The following AGBL4 variants were observed in gnomAD, a reference collection of about 807,000 sequenced individuals.
The protein encoded by AGBL4 is AGBL carboxypeptidase 4.
In AGBL4, 58 loss-of-function variants were observed where a neutral mutation model predicts 66.4. The observed-to-expected ratio is 0.87, with a 90% CI of 0.71 to 1.09. The LOEUF (loss-of-function observed/expected upper bound fraction) is 1.09. Ranked by LOEUF, AGBL4 falls within the 50% of genes least tolerant of loss-of-function variation. The pLI is 0.00. For synonymous variants in AGBL4, 234 were observed against 222.9 expected, an observed-to-expected ratio of 1.05 and a Z score of -0.44; for missense variants, 579 against 631.0, an observed-to-expected ratio of 0.92 and a Z score of 0.88.
At chr1:49,749,084 T>C (rs1249411923) in intron 2 of AGBL4, among the ~76,000 whole-genome samples, 1 of 152,238 alleles carries the variant, frequency 6.6e-6, no homozygotes, top group Non-Finnish European at 1.5e-5. Flanking sequence ...TCTTTGCCCA[T>C]GCCTATGTCC....
At chr1:48,570,916 G>A (rs888688120) in intron 11 of AGBL4, among the ~76,000 whole-genome samples, 4 of 152,144 alleles carry the variant, frequency 2.6e-5, no homozygotes, top group East Asian at 1.9e-4. Context: ...ATCTGGCTTC[G>A]TGTGCCTCTG....
At chr1:49,064,755 A>G (rs1397144844) in intron 4 of AGBL4, among the ~76,000 whole-genome samples, 1 of 152,222 alleles carries the variant, frequency 6.6e-6, no homozygotes, top group East Asian at 1.9e-4. Context: ...ATGTTGAGAA[A>G]GAAAAATTTG....
chr1:49,851,977 A>C (rs563503682), intron 1 of AGBL4, among the ~76,000 whole-genome samples: 1 of 152,300 alleles, frequency 6.6e-6, no homozygotes, highest in African/African-American at 2.4e-5. Context: ...TATAAATAGC[A>C]TTATGACTTC....
intron 1 of AGBL4, among the ~76,000 whole-genome samples, chr1:49,905,987 CT>C (rs1234145328): frequency 1.3e-5 from 2 of 151,742 alleles, no homozygotes. Flanking sequence ...ATCCTACCCC[CT>C]AGGATTTTAT....
chr1:49,760,413 GA>G (rs1484309160), intron 2 of AGBL4, among the ~76,000 whole-genome samples: 8 of 151,988 alleles, frequency 5.3e-5, no homozygotes, highest in African/African-American at 1.4e-4. Context: ...ACACATGTAT[GA>G]AAAAAAGCTC....
intron 9 of AGBL4, among the ~76,000 whole-genome samples, chr1:48,630,111 A>G (rs1645570136): frequency 6.6e-6 from 1 of 152,202 alleles, no homozygotes; most frequent in South Asian, 2.1e-4. Context: ...ACAGGCAGCT[A>G]TCATGAGAGT....
intron 1 of AGBL4, among the ~76,000 whole-genome samples, chr1:49,956,428 G>A (rs1385319340): frequency 6.6e-6 from 1 of 151,312 alleles, no homozygotes; most frequent in Admixed American, 6.6e-5. Context: ...AATAAAAAGA[G>A]GCATAAAAAA....
chr1:49,403,021 T>C (rs1046354083), intron 3 of AGBL4, among the ~76,000 whole-genome samples: 3 of 152,252 alleles, frequency 2.0e-5, no homozygotes, highest in Non-Finnish European at 4.4e-5. Flanking sequence ...CTATAGAGGA[T>C]ATTAAGTATG....
chr1:49,681,656 A>T (rs1397436848), intron 3 of AGBL4, among the ~76,000 whole-genome samples: 10 of 152,190 alleles, frequency 6.6e-5, no homozygotes, highest in Admixed American at 5.9e-4. Context: ...ACTAGGGAAA[A>T]ATATGTCTAC....
chr1:49,192,275 A>G (rs1647135330), intron 4 of AGBL4, among the ~76,000 whole-genome samples: 3 of 152,094 alleles, frequency 2.0e-5, no homozygotes. Context: ...TTATTTATAT[A>G]CTTGTATGTC....
intron 3 of AGBL4, among the ~76,000 whole-genome samples, chr1:49,439,479 A>C (rs185041908): frequency 7.9e-5 from 12 of 152,294 alleles, no homozygotes; most frequent in Admixed American, 2.6e-4. Context: ...GGTAAAAGTC[A>C]CATTTTACCC....
chr1:48,793,584 A>T (rs1645601263), intron 6 of AGBL4, among the ~76,000 whole-genome samples: 1 of 152,160 alleles, frequency 6.6e-6, no homozygotes, highest in African/African-American at 2.4e-5. Flanking sequence ...TTAAGAATGT[A>T]ATATATGCCT....
At chr1:49,973,702 A>C (rs1658330277) in intron 1 of AGBL4, among the ~76,000 whole-genome samples, 1 of 148,682 alleles carries the variant, frequency 6.7e-6, no homozygotes. Flanking sequence ...ATATTGTTAT[A>C]TATCATATTA....
At chr1:49,334,931 G>A (rs1645403945) in intron 3 of AGBL4, among the ~76,000 whole-genome samples, 1 of 152,192 alleles carries the variant, frequency 6.6e-6, no homozygotes. Context: ...TGAAGCTAGG[G>A]AAGGCTTGGA....
At chr1:49,213,328 A>C (rs1414458110) in intron 4 of AGBL4, among the ~76,000 whole-genome samples, 3 of 152,130 alleles carry the variant, frequency 2.0e-5, no homozygotes, top group Non-Finnish European at 2.9e-5. Context: ...CATAGTTTGA[A>C]TATACATGCC....
chr1:50,016,616 T>C (rs1662003598), intron 1 of AGBL4, among the ~76,000 whole-genome samples: 1 of 152,066 alleles, frequency 6.6e-6, no homozygotes, highest in Non-Finnish European at 1.5e-5. Flanking sequence ...AACAGGCAGT[T>C]CTCAGAAGAC....
intron 6 of AGBL4, among the ~76,000 whole-genome samples, chr1:48,681,747 C>A (rs1570239110): frequency 6.6e-6 from 1 of 152,098 alleles, no homozygotes; most frequent in Non-Finnish European, 1.5e-5. Flanking sequence ...CAGAGTAAGG[C>A]CTTGAGGGAT....
intron 6 of AGBL4, among the ~76,000 whole-genome samples, chr1:48,782,168 G>A (rs1430538033): frequency 6.6e-6 from 1 of 152,206 alleles, no homozygotes; most frequent in Admixed American, 6.5e-5. Flanking sequence ...AGAGGCCTGC[G>A]AAGACGCTGA....
intron 4 of AGBL4, among the ~76,000 whole-genome samples, chr1:49,103,305 T>G (rs554000235): frequency 3.9e-5 from 6 of 152,284 alleles, no homozygotes; most frequent in Non-Finnish European, 8.8e-5. Context: ...GCAAGCACAG[T>G]CCTGCGAACA....
Sources: allele counts gnomAD v4.1 joint callset (sites outside exome capture counted in the v4.1 genomes callset), GRCh38; gene constraint gnomAD v4.1.1; transcripts MANE v1.5; gene names NCBI Gene and HGNC (gene_info 2026-07-23, HGNC 2026-07-21).